PCCA: variants seen among roughly 807,000 people sequenced by gnomAD.
PCCA encodes the protein propionyl-CoA carboxylase subunit alpha, also known as propionyl-CoA carboxylase alpha chain, mitochondrial.
A neutral mutation model predicts 101.3 loss-of-function variants in PCCA; 74 were observed. That is an observed-to-expected ratio of 0.73 (90% CI 0.61 to 0.89). PCCA has a LOEUF of 0.89. Among genes scored for constraint, PCCA ranks in the 40% least tolerant of loss-of-function variants. The pLI is 0.00. For missense variants in PCCA, 891 were observed against 907.0 expected (o/e 0.98, Z 0.23); for synonymous variants, 294 against 313.6 (o/e 0.94, Z 0.66).
intron 4 of PCCA, among the ~76,000 whole-genome samples, chr13:100,120,632 G>A (rs928603852): frequency 1.3e-5 from 2 of 152,158 alleles, no homozygotes; most frequent in Non-Finnish European, 2.9e-5. Context: ...CCTGAATCCA[G>A]GGGATGAGGC....
chr13:100,377,422 G>C (rs920352060), intron 19 of PCCA, among the ~76,000 whole-genome samples: 1 of 152,004 alleles, frequency 6.6e-6, no homozygotes, highest in Admixed American at 6.6e-5. Flanking sequence ...TAAGGGTGAA[G>C]TGTGTTTCTT....
chr13:100,386,240 C>T (rs955965840), intron 19 of PCCA, among the ~76,000 whole-genome samples: 2 of 152,176 alleles, frequency 1.3e-5, no homozygotes, highest in Non-Finnish European at 2.9e-5. Context: ...GGAAGAATGT[C>T]TAAAAGTAAC....
chr13:100,437,837 T>A (rs1024385481), intron 20 of PCCA, among the ~76,000 whole-genome samples: 3 of 151,936 alleles, frequency 2.0e-5, no homozygotes, highest in African/African-American at 4.8e-5. Flanking sequence ...CCCAGCTAAT[T>A]TTTTGTATTT....
At chr13:100,487,753 C>T (rs1241017880) in intron 21 of PCCA, among the ~76,000 whole-genome samples, 2 of 152,090 alleles carry the variant, frequency 1.3e-5, no homozygotes, top group African/African-American at 4.8e-5. Context: ...GAGACAGGGT[C>T]TCCCTCTGTC....
chr13:100,284,870 C>G (rs1381071340), intron 12 of PCCA, among the ~76,000 whole-genome samples: 1 of 152,160 alleles, frequency 6.6e-6, no homozygotes, highest in African/African-American at 2.4e-5. Flanking sequence ...AGGCCCTAGC[C>G]CAAGATCTAG....
chr13:100,469,135 C>G (rs1438428124), intron 21 of PCCA, among the ~76,000 whole-genome samples: 1 of 141,680 alleles, frequency 7.1e-6, no homozygotes, highest in East Asian at 2.2e-4. Flanking sequence ...CGCTTGAACC[C>G]AGGAGACGGA....
chr13:100,368,854 G>A (rs997291621), intron 19 of PCCA, among the ~76,000 whole-genome samples: 2 of 152,196 alleles, frequency 1.3e-5, no homozygotes, highest in Admixed American at 6.5e-5. Flanking sequence ...TTGTTACAGA[G>A]AAGAGCATTT....
chr13:100,252,075 T>C (rs956484242), intron 8 of PCCA, among the ~76,000 whole-genome samples: 1 of 152,130 alleles, frequency 6.6e-6, no homozygotes, highest in African/African-American at 2.4e-5. Flanking sequence ...ATGCGTACTA[T>C]CTATGTAATT....
At chr13:100,380,843 C>T (rs1236242855) in intron 19 of PCCA, among the ~76,000 whole-genome samples, 2 of 152,162 alleles carry the variant, frequency 1.3e-5, no homozygotes, top group Non-Finnish European at 2.9e-5. Context: ...ATGAAATTTT[C>T]AGTAAAGCAC....
At chr13:100,484,851 G>A (rs1282767466) in intron 21 of PCCA, among the ~76,000 whole-genome samples, 2 of 152,180 alleles carry the variant, frequency 1.3e-5, no homozygotes, top group African/African-American at 2.4e-5. Flanking sequence ...GAGCACCTCG[G>A]TAGGAGCCAC....
chr13:100,194,389 A>T (rs2057954670), intron 6 of PCCA, among the ~76,000 whole-genome samples: 1 of 152,212 alleles, frequency 6.6e-6, no homozygotes, highest in Non-Finnish European at 1.5e-5. Context: ...GAGAATATAC[A>T]AAGCCAATTA....
intron 21 of PCCA, among the ~76,000 whole-genome samples, chr13:100,457,588 A>G (rs1349685278): frequency 4.6e-5 from 7 of 152,186 alleles, no homozygotes; most frequent in African/African-American, 1.7e-4. Flanking sequence ...ATTATAGGAG[A>G]GGAGCTCTGA....
intron 17 of PCCA, among the ~76,000 whole-genome samples, chr13:100,335,091 C>T (rs2070231580): frequency 6.6e-6 from 1 of 152,086 alleles, no homozygotes; most frequent in African/African-American, 2.4e-5. Context: ...ATAGTGTCTG[C>T]TACATAGGAA....
intron 4 of PCCA, 89 bp downstream of exon 4, chr13:100,112,150 C>T: frequency 2.3e-6 from 2 of 861,854 alleles, no homozygotes; most frequent in Non-Finnish European, 3.9e-6. Flanking sequence ...TCTTGGCCTG[C>T]ACAAGATACA....
chr13:100,431,151 ATG>A (rs779949910), intron 20 of PCCA, among the ~76,000 whole-genome samples: 15 of 152,064 alleles, frequency 9.9e-5, no homozygotes, highest in Non-Finnish European at 2.1e-4. Flanking sequence ...GTGGGTTTAG[ATG>A]GCATCTCATT....
chr13:100,383,188 C>T (rs551071149), intron 19 of PCCA, among the ~76,000 whole-genome samples: 26 of 152,004 alleles, frequency 1.7e-4, no homozygotes, highest in Middle Eastern at 3.4e-3. Flanking sequence ...ACAGGGTTTT[C>T]GCCATGTTGC....
chr13:100,301,781 A>G lies in PCCA; in HGVS notation c.1209+178A>G, dbSNP rs1352138525. Among the ~76,000 whole-genome samples the G allele has an allele frequency of 2.0e-5, 3 of 152,368 alleles. No homozygotes were observed. In the East Asian group the frequency reaches 5.8e-4, roughly 29 times the overall value. ...TTTTGACCTAATTCCAGATAGTTTT[A>G]AAGAATTGGGCTTAGTTAATTGTCA... On this transcript the variant is annotated intron_variant, in intron 13 of 23. Coordinates refer to ENST00000376285, the MANE Select transcript of PCCA (RefSeq NM_000282.4).
chr13:100,442,079 C>T (rs983316026), intron 20 of PCCA, among the ~76,000 whole-genome samples: 8 of 151,584 alleles, frequency 5.3e-5, no homozygotes, highest in Non-Finnish European at 4.4e-5. Flanking sequence ...CTGCAACCTC[C>T]GCCTCCCAGG....
chr13:100,265,599 TC>T (rs1323085309), intron 10 of PCCA, among the ~76,000 whole-genome samples: 20 of 152,092 alleles, frequency 1.3e-4, no homozygotes, highest in African/African-American at 4.8e-4. Context: ...CACCTCTACC[TC>T]CACTCCCACA....
Sources: allele counts gnomAD v4.1 joint callset (sites outside exome capture counted in the v4.1 genomes callset), GRCh38; gene constraint gnomAD v4.1.1; transcripts MANE v1.5; gene names NCBI Gene and HGNC (gene_info 2026-07-23, HGNC 2026-07-21).